The following DIDO1 variants were observed in gnomAD, a reference collection of about 807,000 sequenced individuals.
DIDO1 encodes death inducer-obliterator 1.
A neutral mutation model predicts 99.4 loss-of-function variants in DIDO1; 16 were observed. That is an observed-to-expected ratio of 0.16 (90% confidence interval 0.11 to 0.24). DIDO1 has a LOEUF of 0.24. DIDO1 is among the 10% of genes least tolerant of loss of function. The pLI is 1.00. For synonymous variants in DIDO1, 1,366 were observed against 1,239.1 expected, an observed-to-expected ratio of 1.10 and a Z score of -2.15; for missense variants, 2,996 against 3,014.0, an observed-to-expected ratio of 0.99 and a Z score of 0.14.
intron 6 of DIDO1, among the ~76,000 whole-genome samples, chr20:62,903,097 A>C (rs973597709): frequency 1.3e-5 from 2 of 152,268 alleles, no homozygotes; most frequent in African/African-American, 4.8e-5. Flanking sequence ...AAACATCATG[A>C]TCTTTGAGAG....
chr20:62,925,719 A>C (rs1456453998), intron 1 of DIDO1, among the ~76,000 whole-genome samples: 1 of 152,082 alleles, frequency 6.6e-6, no homozygotes, highest in East Asian at 1.9e-4. Flanking sequence ...CAGCACGAGC[A>C]CCCCTCCCGC....
At position 62,910,993 on chromosome 20, in the gene DIDO1, T is replaced by C. The variant is rs2064922013; in HGVS notation, c.620A>G (p.Asp207Gly). The C allele has an allele frequency of 6.2e-7, 1 of 1,613,972 alleles. No homozygotes were observed. The highest frequency in any genetic ancestry group is 8.5e-7 in the Non-Finnish European group (1 of 1,179,980). ...ACTGGGCAGGACGCCCTCCACAGTG[T>C]CACTGGCCTCGGAGCCCACAGTCTC... ...PAETVGSEAS[D>G]TVEGVLPSKQ... Residue 207 changes from aspartate (D) to glycine (G), a missense_variant, in exon 3 of 16, where the codon GAC becomes GGC. By Grantham distance (94) the Asp-to-Gly change is moderately conservative (BLOSUM62 -1). Around this residue, in one of 5 missense-constraint regions of DIDO1, gnomAD observed 388 missense variants for 376.6 expected, o/e 1.03. Transcript: ENST00000395343.
intron 6 of DIDO1, chr20:62,905,555 C>T (rs1568860994): frequency 5.2e-6 from 8 of 1,551,028 alleles, no homozygotes; most frequent in Non-Finnish European, 7.0e-6. Flanking sequence ...GGCAGTGTGG[C>T]TATGCAATCA....
chr20:62,896,356 G>A lies in DIDO1; in HGVS notation c.2091C>T (p.Asn697=), dbSNP rs373746845. 35 of 1,613,744 alleles carry A rather than the reference G, an allele frequency of 2.2e-5. No individual in the cohort carries two copies. Among genetic ancestry groups the A allele is most frequent in the African/African-American group, 6.7e-5 (5 of 74,806 alleles). Residue 697 remains asparagine, a synonymous_variant, in exon 8 of 16, where the codon AAC becomes AAT. Transcript: ENST00000395343. This position sits in a 1 kb window ranked among gnomAD's most constrained non-coding sequence, Gnocchi z 4.4. The part of the protein sequence containing the change: ...NDSDDLIMTE[N]EVGKIALHIE... ...TATGGAGGGCAATTTTTCCTACTTC[G>A]TTTTCTGTCATGATTAAGTCATCGC...
At chr20:62,885,685 G>A (rs2147365673) in intron 15 of DIDO1, among the ~76,000 whole-genome samples, 1 of 152,202 alleles carries the variant, frequency 6.6e-6, no homozygotes, top group East Asian at 1.9e-4. Context: ...ATTTAAATTG[G>A]GCTGTCCAAA....
chr20:62,890,988 TG>T lies in DIDO1; in HGVS notation c.3512del (p.Pro1171HisfsTer19). Reference sequence around the variant, plus strand: ...GTCCCTCAAAGGGCAAGAGTTTGGATGGAACAGGGTCCTGGGCGCTCAGCGG... The same window carrying T: ...GTCCCTCAAAGGGCAAGAGTTTGGATGAACAGGGTCCTGGGCGCTCAGCGG... ...LIPLSAQDPV[P>X]SKLLPFEGPG... On this transcript the variant is annotated frameshift_variant, in exon 15 of 16. Transcript: ENST00000395343. LOFTEE classifies it low-confidence loss of function (END_TRUNC). The T allele has an allele frequency of 6.2e-7, 1 of 1,614,114 alleles. No homozygotes were observed. The highest frequency in any genetic ancestry group is 8.5e-7 in the Non-Finnish European group (1 of 1,180,032).
chr20:62,888,190 C>T (rs541429274), intron 15 of DIDO1: 9 of 985,484 alleles, frequency 9.1e-6, no homozygotes, highest in East Asian at 1.1e-4. Context: ...CTGGACACCA[C>T]GCTGTCAAAA....
Position 62,879,391 on chromosome 20 carries a change from G to A in DIDO1, c.6565C>T (p.Arg2189Trp). 1.3e-6 allele frequency: 2 copies of A among 1,544,318 alleles called. No homozygotes were observed. The highest frequency in any genetic ancestry group is 1.7e-6 in the Non-Finnish European group (2 of 1,147,686). ...RERERDRRRD[R>W]DRSRSRERDR... ...CGCTCTCTGCTCCGGGACCGGTCCC[G>A]GTCGCGCCTCCGGTCTCGCTCGCGC... is the stretch of plus-strand genomic sequence containing the variant. The change falls in exon 16 of 16, where the codon CGG (arginine) becomes TGG (tryptophan). Residue 2189 changes from arginine (R) to tryptophan (W), a missense_variant. Coordinates refer to ENST00000395343, the MANE Select transcript of DIDO1 (RefSeq NM_001193369.2). This position sits in a 1 kb window ranked among gnomAD's most constrained non-coding sequence, Gnocchi z 6.3.
Position 62,894,985 on chromosome 20 carries a change from C to CT in DIDO1, c.2331+63dup. The CT allele has an allele frequency of 1.3e-6, 2 of 1,597,584 alleles. No homozygotes were observed. The highest frequency in any genetic ancestry group is 1.7e-5 in the Admixed American group (1 of 59,452). On this transcript the variant is annotated intron_variant, in intron 9 of 15. Coordinates refer to ENST00000395343, the MANE Select transcript of DIDO1 (RefSeq NM_001193369.2). The surrounding 1 kb of genome is among the most constrained non-coding windows in gnomAD (Gnocchi z 4.4). ...AGGAAAGCATCGCTTATGCAGCCGT[C>CT]TATGAATTTATTTCTATTAAGCTCG...
intron 1 of DIDO1, among the ~76,000 whole-genome samples, chr20:62,916,826 G>A (rs1295856675): frequency 1.3e-5 from 2 of 152,200 alleles, no homozygotes; most frequent in Non-Finnish European, 2.9e-5. Flanking sequence ...CCAAGGAGCA[G>A]TTTCATAAAA....
Position 62,895,051 on chromosome 20 carries a change from A to G in DIDO1, c.2329T>C (p.Ser777Pro). The G allele has an allele frequency of 1.2e-6, 2 of 1,605,170 alleles. No homozygotes were observed. The highest frequency in any genetic ancestry group is 1.7e-6 in the Non-Finnish European group (2 of 1,172,354). Residue 777 changes from serine (S) to proline (P), a missense_variant and splice_region_variant, in exon 9 of 16, where the codon TCT becomes CCT. Around this residue, in one of 5 missense-constraint regions of DIDO1, gnomAD observed 898 missense variants for 972.7 expected, o/e 0.92. Coordinates refer to ENST00000395343, the MANE Select transcript of DIDO1 (RefSeq NM_001193369.2). ...LSTWKERPAR[S>P]VMESRTKLHN... ...CGCAGGTACCCCTCAGCACTCACAGATCTCGCTGGCCTCTCTTTCCACGTG... is the reference window on the plus strand; with the variant it reads ...CGCAGGTACCCCTCAGCACTCACAGGTCTCGCTGGCCTCTCTTTCCACGTG...
intron 2 of DIDO1, among the ~76,000 whole-genome samples, chr20:62,912,264 C>T (rs2064960188): frequency 6.6e-6 from 1 of 152,254 alleles, no homozygotes; most frequent in South Asian, 2.1e-4. Context: ...AGTGAATGAC[C>T]CTCACGGGCA....
intron 1 of DIDO1, among the ~76,000 whole-genome samples, chr20:62,919,023 C>G (rs911562790): frequency 6.6e-6 from 1 of 152,154 alleles, no homozygotes; most frequent in African/African-American, 2.4e-5. Context: ...CAGCAGCAGC[C>G]GTTCATGTAC....
chr20:62,883,936 G>A (rs540438570), intron 15 of DIDO1, among the ~76,000 whole-genome samples: 1 of 152,340 alleles, frequency 6.6e-6, no homozygotes, highest in South Asian at 2.1e-4. Context: ...AACCTGGGAG[G>A]CAGAGGTTGC....
chr20:62,937,434 A>C lies in DIDO1; in HGVS notation c.-200+362T>G, dbSNP rs949792113. 3.3e-5 allele frequency among the ~76,000 whole-genome samples: 5 copies of C among 152,184 alleles called. No homozygotes were observed. In the East Asian group the frequency reaches 5.8e-4, roughly 18 times the overall value. ...CGCCGCCGCCGGGACTCCGCCCCGCAAGCAAGTGGGGTCTCCTTTGTCCCG... is the reference window on the plus strand; with the variant it reads ...CGCCGCCGCCGGGACTCCGCCCCGCCAGCAAGTGGGGTCTCCTTTGTCCCG... On this transcript the variant is annotated intron_variant, in intron 1 of 15. Transcript: ENST00000266070.
chr20:62,896,599 T>C lies in DIDO1; in HGVS notation c.1986A>G (p.Ala662=), dbSNP rs1407139201. 3 of 1,611,068 alleles carry C rather than the reference T, an allele frequency of 1.9e-6. No homozygotes were observed. The East Asian group carries it at 6.7e-5, about 36-fold the overall frequency. ...APGRLGAMSA[A]PSQPNSQIRQ... is the part of the protein sequence containing the mutation. ...GAATTTGTGAATTTGGCTGCGATGG[T>C]GCAGCACTCATAGCCCCAAGGCGTC... is the stretch of plus-strand genomic sequence containing the variant. Residue 662 remains alanine (A), a synonymous_variant, in exon 7 of 16, where the codon GCA becomes GCG. Transcript: ENST00000395343. This position sits in a 1 kb window ranked among gnomAD's most constrained non-coding sequence, Gnocchi z 4.4.
Position 62,911,648 on chromosome 20 carries a change from T to C in DIDO1, c.-2-34A>G. 1 of 1,502,932 alleles carries C rather than the reference T, an allele frequency of 6.7e-7. No individual in the cohort carries two copies. The highest frequency in any genetic ancestry group is 8.9e-7 in the Non-Finnish European group (1 of 1,123,716). 93.1% of individuals were successfully genotyped at this position (1,502,932 alleles called of 1,614,324 possible). On this transcript the variant is annotated intron_variant, in intron 2 of 15. Coordinates refer to ENST00000395343, the MANE Select transcript of DIDO1 (RefSeq NM_001193369.2). This position sits in a 1 kb window ranked among gnomAD's most constrained non-coding sequence, Gnocchi z 7.0. ...AAAGTGTAAGCACATAGTGACCAAC[T>C]GACCACAGAACAAAAGGTGACATTG... is the stretch of plus-strand genomic sequence containing the variant.
upstream of DIDO1, chr20:62,928,741 G>T (rs550008270): frequency 6.6e-6 from 1 of 152,316 alleles, no homozygotes; most frequent in Non-Finnish European, 1.5e-5. Context: ...CCCACAAGTA[G>T]CACCGATTTA....
chr20:62,895,013 T>A, intron 9 of DIDO1, 36 bp downstream of exon 9: 1 of 1,596,626 alleles, frequency 6.3e-7, no homozygotes, highest in Non-Finnish European at 8.6e-7. Flanking sequence ...TAAGCTCGAG[T>A]CCTGGGTGCC....
Sources: allele counts gnomAD v4.1 joint callset (sites outside exome capture counted in the v4.1 genomes callset), GRCh38; gene constraint gnomAD v4.1.1; regional missense constraint gnomAD v4.1.1; non-coding constraint Gnocchi (gnomAD v3.1); transcripts MANE v1.5; gene names NCBI Gene and HGNC (gene_info 2026-07-23, HGNC 2026-07-21).